MSH4: variants seen among roughly 807,000 people sequenced by gnomAD.
MSH4 encodes the protein mutS homolog 4.
Under a neutral mutation model 113.7 loss-of-function variants are expected in MSH4, and 106 were observed. The ratio of observed to expected loss-of-function variants is 0.93; its 90% CI spans 0.80 to 1.10. The LOEUF (loss-of-function observed/expected upper bound fraction) is 1.10, where lower values mean the gene tolerates loss of function less well. Among genes scored for constraint, MSH4 ranks in the 50% least tolerant of loss-of-function variants. The probability of loss-of-function intolerance (pLI) is 0.00; values close to 1 mark genes in which losing one functional copy is unlikely to be tolerated. For missense variants in MSH4, 1,061 were observed against 1,093.7 expected, an observed-to-expected ratio of 0.97 and a Z score of 0.42; for synonymous variants, 368 against 380.2, an observed-to-expected ratio of 0.97 and a Z score of 0.37.
At chr1:75,824,909 T>TTTTTTG (rs1273990014) in intron 7 of MSH4, among the ~76,000 whole-genome samples, 2 of 151,542 alleles carry the variant, frequency 1.3e-5, no homozygotes, top group Admixed American at 1.3e-4. Flanking sequence ...GCTTTGTTTT[T>TTTTTTG]TTTTTTTTTT....
At chr1:75,908,601 CCTTG>C (rs2100598522) in intron 19 of MSH4, among the ~76,000 whole-genome samples, 1 of 152,238 alleles carries the variant, frequency 6.6e-6, no homozygotes, top group East Asian at 1.9e-4. Context: ...ATCACCAGCT[CCTTG>C]CTTTGTTCAT....
chr1:75,828,917 A>C (rs1650618285), intron 7 of MSH4, among the ~76,000 whole-genome samples: 1 of 152,142 alleles, frequency 6.6e-6, no homozygotes, highest in South Asian at 2.1e-4. Flanking sequence ...TGCATTTCCA[A>C]CTGAGGTGCT....
At chr1:75,865,730 A>G (rs1651548740) in intron 8 of MSH4, among the ~76,000 whole-genome samples, 1 of 152,248 alleles carries the variant, frequency 6.6e-6, no homozygotes, top group African/African-American at 2.4e-5. Flanking sequence ...ATGGATGCCA[A>G]ATCATCAATT....
chr1:75,904,156 A>G (rs1286912078), intron 19 of MSH4, among the ~76,000 whole-genome samples: 3 of 152,156 alleles, frequency 2.0e-5, no homozygotes, highest in East Asian at 3.8e-4. Context: ...TGTTAATATG[A>G]CATATCATAT....
intron 1 of MSH4, among the ~76,000 whole-genome samples, chr1:75,800,392 T>C (rs1306269328): frequency 6.6e-6 from 1 of 152,052 alleles, no homozygotes. Context: ...GGGAGACACA[T>C]AGGAATTGTA....
rs1571004058 is a variant in MSH4, at chr1:75,907,701, T to TGTATAG, written c.2620-4995_2620-4994insGTATAG. Among the ~76,000 whole-genome samples, 3 of 132,666 alleles carry TGTATAG rather than the reference T, an allele frequency of 2.3e-5. No individual in the cohort carries two copies. In the East Asian group the frequency reaches 6.0e-4, roughly 27 times the overall value. The allele number at this position is 132,666 out of a possible 152,430, so 87.0% of individuals were successfully genotyped here. A position where few individuals can be genotyped will look rare whatever the true frequency, so the allele number is the denominator to read the frequency against. On this transcript the variant is annotated intron_variant, in intron 19 of 19. Coordinates refer to ENST00000263187, the MANE Select transcript of MSH4 (RefSeq NM_002440.4). ...CTCTCTCTCTATACATATATATATA[T>TGTATAG]ATATATATATATATATATGTATAAA...
Position 75,810,730 on chromosome 1 carries a change from G to C in MSH4, c.622G>C (p.Glu208Gln). 6.3e-7 allele frequency: 1 copy of C among 1,577,258 alleles called. No individual in the cohort carries two copies. The highest frequency in any genetic ancestry group is 8.6e-7 in the Non-Finnish European group (1 of 1,164,978). The part of the protein sequence containing the change: ...ITKLKILSPL[E>Q]IIMSNTACAV... ...TAAACTTAAAATTTTATCACCTTTG[G>C]AAATAATAATGTCAAATACTGCTTG... Residue 208 changes from glutamate (E) to glutamine (Q), a missense_variant, in exon 4 of 20, where the codon GAA (glutamate) becomes CAA (glutamine). Glu to Gln is a conservative substitution (Grantham distance 29). Coordinates refer to ENST00000263187, the MANE Select transcript of MSH4 (RefSeq NM_002440.4).
In MSH4 at chr1:75,897,902, T is replaced by G; in HGVS notation, c.2356-5T>G. On this transcript the variant is annotated splice_polypyrimidine_tract_variant and splice_region_variant and intron_variant, in intron 17 of 19. Transcript: ENST00000263187. ...CTAATATTCATTGTCTGTTATATAT[T>G]CCAGGCATTTACACTGTTTGCTACA... The G allele has an allele frequency of 6.7e-7, 1 of 1,496,178 alleles. No homozygotes were observed. The highest frequency in any genetic ancestry group is 8.9e-7 in the Non-Finnish European group (1 of 1,119,922). 92.7% of individuals were successfully genotyped at this position (1,496,178 alleles called of 1,614,324 possible).
intron 3 of MSH4, among the ~76,000 whole-genome samples, chr1:75,810,411 T>C (rs1294373700): frequency 3.2e-5 from 4 of 124,090 alleles, no homozygotes; most frequent in African/African-American, 1.1e-4. Context: ...GTAATTTTTG[T>C]ATTTTTTTTT....
intron 6 of MSH4, among the ~76,000 whole-genome samples, chr1:75,820,643 T>C (rs1327179229): frequency 6.6e-6 from 1 of 152,228 alleles, no homozygotes; most frequent in African/African-American, 2.4e-5. Context: ...GTAGTTTGTA[T>C]TTCTGTGGGA....
chr1:75,879,630 C>A (rs1413883981), intron 12 of MSH4, among the ~76,000 whole-genome samples: 1 of 152,114 alleles, frequency 6.6e-6, no homozygotes, highest in South Asian at 2.1e-4. Context: ...AACCATTTAG[C>A]TTTCAGGCTT....
At chr1:75,853,110 G>A (rs941397633) in intron 8 of MSH4, among the ~76,000 whole-genome samples, 4 of 152,094 alleles carry the variant, frequency 2.6e-5, no homozygotes, top group African/African-American at 9.7e-5. Flanking sequence ...TGTCACCCAG[G>A]CTGGAATGCA....
intron 6 of MSH4, among the ~76,000 whole-genome samples, chr1:75,817,409 T>C (rs1032809581): frequency 4.6e-5 from 7 of 152,196 alleles, no homozygotes; most frequent in Non-Finnish European, 8.8e-5. Flanking sequence ...TATGTTATCA[T>C]GGCATAGAAA....
intron 3 of MSH4, among the ~76,000 whole-genome samples, chr1:75,809,082 G>C (rs1428238885): frequency 6.6e-6 from 1 of 151,958 alleles, no homozygotes; most frequent in African/African-American, 2.4e-5. Context: ...AATTTTTTTT[G>C]TATAGATGGG....
chr1:75,892,382 CTCTCTCTCTCTCTT>C (rs1179136523), intron 17 of MSH4, among the ~76,000 whole-genome samples: 1 of 149,046 alleles, frequency 6.7e-6, no homozygotes, highest in Non-Finnish European at 1.5e-5. Context: ...TACACACTCT[CTCTCTCTCTCTCTT>C]TCTCTCTCTC....
intron 15 of MSH4, among the ~76,000 whole-genome samples, chr1:75,885,046 T>G (rs905161284): frequency 1.7e-5 from 2 of 117,624 alleles, no homozygotes; most frequent in Admixed American, 8.8e-5. Flanking sequence ...TGTGTGTGTG[T>G]GTGTGTGTGT....
intron 18 of MSH4, among the ~76,000 whole-genome samples, chr1:75,899,262 C>G (rs1237923179): frequency 6.6e-6 from 1 of 152,032 alleles, no homozygotes; most frequent in African/African-American, 2.4e-5. Flanking sequence ...TATTATCTTC[C>G]CCTGCAAAAC....
intron 7 of MSH4, among the ~76,000 whole-genome samples, chr1:75,829,499 C>T (rs1650634991): frequency 6.6e-6 from 1 of 152,218 alleles, no homozygotes; most frequent in Non-Finnish European, 1.5e-5. Flanking sequence ...CAAGTGGGGC[C>T]ATGACCCCCA....
At chr1:75,888,893 C>CTTTT (rs74683108) in intron 15 of MSH4, among the ~76,000 whole-genome samples, 2 of 132,956 alleles carry the variant, frequency 1.5e-5, no homozygotes, top group Non-Finnish European at 3.2e-5. Context: ...GGTAGGGCAA[C>CTTTT]TTTTTTTTTT....
Sources: gnomAD v4.1 joint callset for allele counts (sites outside exome capture counted in the v4.1 genomes callset) on GRCh38, gnomAD v4.1.1 for gene constraint, MANE v1.5 for transcripts, NCBI Gene and HGNC (gene_info 2026-07-23, HGNC 2026-07-21) for gene names.